The following CCSER1 variants were observed in gnomAD, a reference collection of about 807,000 sequenced individuals.
The protein encoded by CCSER1 is serine-rich coiled-coil domain-containing protein 1.
In CCSER1, 41 loss-of-function variants were observed where a neutral mutation model predicts 82.0. The ratio of observed to expected loss-of-function variants is 0.50; its 90% CI spans 0.39 to 0.65. The LOEUF is 0.65. Among genes scored for constraint, CCSER1 ranks in the 30% least tolerant of loss-of-function variants. The probability of loss-of-function intolerance (pLI) is 0.00; values close to 1 mark genes in which losing one functional copy is unlikely to be tolerated. For synonymous variants in CCSER1, 414 were observed against 383.9 expected, an observed-to-expected ratio of 1.08 and a Z score of -0.92; for missense variants, 1,119 against 1,064.2, an observed-to-expected ratio of 1.05 and a Z score of -0.72.
At chr4:91,596,800 A>AG (rs980430889) in intron 10 of CCSER1, among the ~76,000 whole-genome samples, 3 of 152,050 alleles carry the variant, frequency 2.0e-5, no homozygotes, top group East Asian at 3.9e-4. Context: ...GAATTCACAG[A>AG]GGGGGGTCTG....
chr4:91,204,371 G>C (rs909425814), intron 10 of CCSER1, among the ~76,000 whole-genome samples: 1 of 151,752 alleles, frequency 6.6e-6, no homozygotes. Context: ...AATTGATTAA[G>C]CCATGAAAGA....
chr4:90,888,034 A>T (rs1289198476), intron 8 of CCSER1, among the ~76,000 whole-genome samples: 1 of 152,210 alleles, frequency 6.6e-6, no homozygotes, highest in Non-Finnish European at 1.5e-5. Flanking sequence ...GTAAAAATAA[A>T]ATGACAAAAT....
chr4:91,367,663 A>G (rs992676035), intron 10 of CCSER1, among the ~76,000 whole-genome samples: 2 of 152,052 alleles, frequency 1.3e-5, no homozygotes, highest in African/African-American at 4.8e-5. Context: ...ACACATTACT[A>G]TATCATGGAT....
At chr4:91,304,992 G>A (rs1744939441) in intron 10 of CCSER1, among the ~76,000 whole-genome samples, 1 of 151,864 alleles carries the variant, frequency 6.6e-6, no homozygotes, top group Non-Finnish European at 1.5e-5. Context: ...CTTTGTCACA[G>A]CCAGGCATCA....
At chr4:90,667,273 G>A (rs1286678083) in intron 6 of CCSER1, among the ~76,000 whole-genome samples, 3 of 152,152 alleles carry the variant, frequency 2.0e-5, no homozygotes, top group Non-Finnish European at 4.4e-5. Flanking sequence ...TGGAAATAAT[G>A]ACATTAGTGG....
rs1764771512 is a variant in CCSER1, at chr4:91,600,392, C to T, written c.*1335C>T. The T allele has an allele frequency of 6.6e-6, 1 of 152,132 alleles. No homozygotes were observed. The highest frequency in any genetic ancestry group is 1.5e-5 in the Non-Finnish European group (1 of 68,016). The allele number at this position is 152,132 out of a possible 1,614,324, so 9.4% of individuals were successfully genotyped here. ...GAATCAAGGCTGCAGTTTTCTTATA[C>T]ACATCAGAGCTGTTAAGTACATCCA... On this transcript the variant is annotated 3_prime_UTR_variant, in exon 11 of 11. Coordinates refer to ENST00000509176, the MANE Select transcript of CCSER1 (RefSeq NM_001145065.2).
At chr4:90,226,555 G>C (rs116459162) in intron 1 of CCSER1, among the ~76,000 whole-genome samples, 1,897 of 152,326 alleles carry the variant, frequency 0.012, 27 homozygotes, top group African/African-American at 0.036. Context: ...TTTGCAAGAG[G>C]AATATAGTTG....
At chr4:91,090,234 G>A (rs1048865092) in intron 10 of CCSER1, among the ~76,000 whole-genome samples, 1 of 152,182 alleles carries the variant, frequency 6.6e-6, no homozygotes, top group Admixed American at 6.5e-5. Context: ...GTTTTTATGG[G>A]CAGTAGGAAG....
At chr4:90,645,081 T>TAA (rs70963077) in intron 6 of CCSER1, among the ~76,000 whole-genome samples, 52 of 131,352 alleles carry the variant, frequency 4.0e-4, no homozygotes, top group African/African-American at 1.4e-3. Flanking sequence ...AAACTCCGTC[T>TAA]AAAAAAAAAA....
rs542423832 is a variant in CCSER1 at position 91,177,727 on chromosome 4, T to C, written c.2217+91733T>C. On this transcript the variant is annotated intron_variant, in intron 10 of 10. Transcript: ENST00000509176. ...TCTCTCTTTTCTTCTTTATTAGTCTTAGCAGTCTGTCGATTTTGTTGATCT... is the reference window on the plus strand; with the variant it reads ...TCTCTCTTTTCTTCTTTATTAGTCTCAGCAGTCTGTCGATTTTGTTGATCT... Among the ~76,000 whole-genome samples, 452 of 152,256 alleles carry C rather than the reference T, an allele frequency of 3.0e-3. 1 individual carries two copies. The highest frequency in any genetic ancestry group is 0.01 in the African/African-American group (426 of 41,552).
At chr4:90,971,175 G>C (rs1455088233) in intron 9 of CCSER1, among the ~76,000 whole-genome samples, 1 of 151,888 alleles carries the variant, frequency 6.6e-6, no homozygotes, top group African/African-American at 2.4e-5. Context: ...TATTTATGGG[G>C]AAAAGAAGTT....
intron 9 of CCSER1, among the ~76,000 whole-genome samples, chr4:91,084,991 C>A (rs1000395498): frequency 3.3e-5 from 5 of 152,086 alleles, no homozygotes; most frequent in African/African-American, 1.2e-4. Flanking sequence ...GCACTCCCAG[C>A]ATTATTATTG....
At chr4:91,148,947 G>C (rs570926755) in intron 10 of CCSER1, among the ~76,000 whole-genome samples, 1 of 152,086 alleles carries the variant, frequency 6.6e-6, no homozygotes, top group Non-Finnish European at 1.5e-5. Context: ...ATAAACATAC[G>C]TGTGCATGTG....
At chr4:90,957,380 G>A (rs1156714635) in intron 9 of CCSER1, among the ~76,000 whole-genome samples, 1 of 146,880 alleles carries the variant, frequency 6.8e-6, no homozygotes, top group South Asian at 2.1e-4. Context: ...GATTACAGGC[G>A]TGAGCCACCG....
intron 9 of CCSER1, among the ~76,000 whole-genome samples, chr4:91,072,326 A>T (rs754529408): frequency 6.6e-6 from 1 of 152,196 alleles, no homozygotes; most frequent in Non-Finnish European, 1.5e-5. Context: ...AAATATTTCA[A>T]TTGAATTTCA....
At position 90,932,956 on chromosome 4, in the gene CCSER1, A is replaced by AAGAGAGAAAGAG. The variant is rs1316486615; in HGVS notation, c.2172+9512_2172+9513insGAGAAAGAGAGA. 6.8e-5 allele frequency among the ~76,000 whole-genome samples: 3 copies of AAGAGAGAAAGAG among 44,120 alleles called. No individual in the cohort carries two copies. In the East Asian group the frequency reaches 1.4e-3, roughly 20 times the overall value. 28.9% of individuals were successfully genotyped at this position (44,120 alleles called of 152,430 possible). ...AAAGAAAGAAAGAAAGAAAGAAAGAAAGAAAGAAAGAAAGAAAGAAAGAAA... is the reference window on the plus strand; with the variant it reads ...AAAGAAAGAAAGAAAGAAAGAAAGAAAGAGAGAAAGAGAGAAAGAAAGAAAGAAAGAAAGAAA... On this transcript the variant is annotated intron_variant, in intron 9 of 10. Transcript: ENST00000509176.
intron 10 of CCSER1, among the ~76,000 whole-genome samples, chr4:91,299,891 A>G (rs1744533000): frequency 6.6e-6 from 1 of 151,870 alleles, no homozygotes; most frequent in Non-Finnish European, 1.5e-5. Flanking sequence ...TTTGCTTTAA[A>G]TGAACGACTT....
intron 1 of CCSER1, among the ~76,000 whole-genome samples, chr4:90,207,794 C>T (rs1739172292): frequency 6.6e-6 from 1 of 152,220 alleles, no homozygotes; most frequent in South Asian, 2.1e-4. Flanking sequence ...AGGTCCACTC[C>T]AGAACCTGTT....
intron 8 of CCSER1, among the ~76,000 whole-genome samples, chr4:90,903,840 A>AAC (rs1725036516): frequency 6.6e-6 from 1 of 151,794 alleles, no homozygotes; most frequent in Non-Finnish European, 1.5e-5. Context: ...CTGTCTCAAA[A>AAC]AAAAAAAAAA....
Sources: gnomAD v4.1 joint callset for allele counts (sites outside exome capture counted in the v4.1 genomes callset) on GRCh38, gnomAD v4.1.1 for gene constraint, MANE v1.5 for transcripts, NCBI Gene and HGNC (gene_info 2026-07-23, HGNC 2026-07-21) for gene names.